FAM168A: variants seen among roughly 807,000 people sequenced by gnomAD.
The protein encoded by FAM168A is family with sequence similarity 168 member A, also known as protein FAM168A.
Under a neutral mutation model 28.5 loss-of-function variants are expected in FAM168A, and 3 were observed. That is an observed-to-expected ratio of 0.11 (90% confidence interval 0.05 to 0.27). FAM168A has a LOEUF of 0.27. FAM168A is among the 10% of genes least tolerant of loss of function. The pLI, the probability that FAM168A is intolerant of heterozygous loss-of-function variation, is 1.00. For missense variants in FAM168A, 222 were observed against 311.5 expected (o/e 0.71, Z 2.16); for synonymous variants, 122 against 124.2 (o/e 0.98, Z 0.12).
rs181801010 is a variant in FAM168A, at chr11:73,562,644, C to T, written c.-19+35279G>A. 3.2e-4 allele frequency among the ~76,000 whole-genome samples: 49 copies of T among 152,054 alleles called. 1 individual carries two copies. In the East Asian group the frequency reaches 8.7e-3, roughly 27 times the overall value. Reference sequence around the variant, plus strand: ...GAGATCAAGATCAACCTGGCCAACACGGTGAAACCCTGTCTCTACTAAAAA... The same window carrying T: ...GAGATCAAGATCAACCTGGCCAACATGGTGAAACCCTGTCTCTACTAAAAA... On this transcript the variant is annotated intron_variant, in intron 1 of 7. Transcript: ENST00000356467.
At chr11:73,494,596 A>T (rs1043697472) in intron 1 of FAM168A, among the ~76,000 whole-genome samples, 1 of 152,174 alleles carries the variant, frequency 6.6e-6, no homozygotes, top group Non-Finnish European at 1.5e-5. Context: ...AGCCAGGAAG[A>T]GTTTTATTGT....
At chr11:73,571,444 C>T (rs1340699705) in intron 1 of FAM168A, among the ~76,000 whole-genome samples, 2 of 151,866 alleles carry the variant, frequency 1.3e-5, no homozygotes, top group Admixed American at 1.3e-4. Flanking sequence ...GACGGGGTTT[C>T]GCTGTGTTGG....
At chr11:73,463,850 A>G in intron 2 of FAM168A, among the ~76,000 whole-genome samples, 1 of 152,256 alleles carries the variant, frequency 6.6e-6, no homozygotes, top group East Asian at 1.9e-4. Flanking sequence ...CAAGGAGATT[A>G]TATTCATGAG....
intron 2 of FAM168A, among the ~76,000 whole-genome samples, chr11:73,460,433 G>C (rs532131945): frequency 1.3e-5 from 2 of 149,600 alleles, no homozygotes; most frequent in South Asian, 4.2e-4. Flanking sequence ...AGCCAACTCT[G>C]TACCAGTCAC....
chr11:73,571,777 C>T (rs948474927), intron 1 of FAM168A, among the ~76,000 whole-genome samples: 10 of 150,916 alleles, frequency 6.6e-5, no homozygotes, highest in South Asian at 2.1e-4. Flanking sequence ...TCTGCCCGGC[C>T]GCCATCCACC....
chr11:73,518,096 T>C (rs1943327645), intron 1 of FAM168A, among the ~76,000 whole-genome samples: 1 of 152,200 alleles, frequency 6.6e-6, no homozygotes, highest in African/African-American at 2.4e-5. Context: ...TCTTTTTCTA[T>C]CACTAGTAAG....
chr11:73,508,933 T>C (rs1207338380), intron 1 of FAM168A, among the ~76,000 whole-genome samples: 1 of 152,226 alleles, frequency 6.6e-6, no homozygotes, highest in African/African-American at 2.4e-5. Context: ...AACATAATGA[T>C]GGCTTTATAA....
chr11:73,442,957 T>TATATAG (rs1240945998), intron 2 of FAM168A, among the ~76,000 whole-genome samples: 3 of 61,606 alleles, frequency 4.9e-5, no homozygotes, highest in Non-Finnish European at 9.3e-5. Flanking sequence ...ATACAAAGGA[T>TATATAG]ATATATATAT....
Position 73,417,559 on chromosome 11 carries a change from C to CT in FAM168A, c.277+2314dup, listed in dbSNP as rs11284405. 4.5e-3 allele frequency among the ~76,000 whole-genome samples: 586 copies of CT among 129,968 alleles called. 4 individuals are homozygous for CT. The highest frequency in any genetic ancestry group is 9.1e-3 in the Admixed American group (121 of 13,254). The allele number at this position is 129,968 out of a possible 152,430, so 85.3% of individuals were successfully genotyped here. On this transcript the variant is annotated intron_variant, in intron 4 of 7. Transcript: ENST00000356467. ...CCTTATGGCTGACATACCTCTCTCT[C>CT]TTTTTTTTTTTTTTTTTTGAGACGG... is the stretch of plus-strand genomic sequence containing the variant.
At chr11:73,461,591 G>A (rs1867648034) in intron 2 of FAM168A, among the ~76,000 whole-genome samples, 1 of 152,192 alleles carries the variant, frequency 6.6e-6, no homozygotes. Context: ...GAGATGGGCT[G>A]GAGATACCTG....
chr11:73,512,941 G>A (rs1345932745), intron 1 of FAM168A, among the ~76,000 whole-genome samples: 1 of 152,040 alleles, frequency 6.6e-6, no homozygotes, highest in Non-Finnish European at 1.5e-5. Context: ...TATAAAACAT[G>A]GTCCAGACAC....
chr11:73,468,271 C>T, intron 2 of FAM168A, 134 bp downstream of exon 2: 1 of 693,566 alleles, frequency 1.4e-6, no homozygotes, highest in Admixed American at 2.9e-5. Context: ...TCCGCTGGAC[C>T]TCAGACATAT....
At chr11:73,593,160 AT>A (rs1418716962) in intron 1 of FAM168A, among the ~76,000 whole-genome samples, 4 of 152,176 alleles carry the variant, frequency 2.6e-5, no homozygotes, top group African/African-American at 9.7e-5. Flanking sequence ...TTCACATAAA[AT>A]TTAGGAAACT....
At chr11:73,514,968 C>T (rs972008352) in intron 1 of FAM168A, among the ~76,000 whole-genome samples, 7 of 152,084 alleles carry the variant, frequency 4.6e-5, no homozygotes, top group Non-Finnish European at 1.0e-4. Flanking sequence ...GCCCCCAAAG[C>T]TTAATCTACA....
At chr11:73,513,598 T>C (rs940982972) in intron 1 of FAM168A, among the ~76,000 whole-genome samples, 1 of 152,124 alleles carries the variant, frequency 6.6e-6, no homozygotes, top group Non-Finnish European at 1.5e-5. Context: ...CATGTTGAGA[T>C]GGCAGCATCA....
chr11:73,495,251 C>G (rs1854848541), intron 1 of FAM168A, among the ~76,000 whole-genome samples: 1 of 152,064 alleles, frequency 6.6e-6, no homozygotes, highest in Non-Finnish European at 1.5e-5. Context: ...ATGGCGTGAA[C>G]CCAGGAGGCA....
rs186436837 is a variant in FAM168A, at chr11:73,477,332, C to T, written c.-18-8840G>A. On this transcript the variant is annotated intron_variant, in intron 1 of 7. Coordinates refer to ENST00000356467, the MANE Select transcript of FAM168A (RefSeq NM_015159.3). ...AGTGACACGCAATTTACCCACGTAA[C>T]AAATCTGCATATGTTACCCCTAAAC... Among the ~76,000 whole-genome samples the T allele has an allele frequency of 1.6e-4, 25 of 151,844 alleles. No homozygotes were observed. The South Asian group carries it at 2.7e-3, about 16-fold the overall frequency.
chr11:73,509,223 G>A (rs1340586967), intron 1 of FAM168A, among the ~76,000 whole-genome samples: 1 of 152,206 alleles, frequency 6.6e-6, no homozygotes. Flanking sequence ...GGCAAGTCAA[G>A]GAGCAGAGCT....
At chr11:73,578,092 A>C (rs1391889566) in intron 1 of FAM168A, among the ~76,000 whole-genome samples, 2 of 152,162 alleles carry the variant, frequency 1.3e-5, no homozygotes, top group Non-Finnish European at 2.9e-5. Context: ...ACTATGCAAG[A>C]GACATTATGC....
Sources: gnomAD v4.1 joint callset for allele counts (sites outside exome capture counted in the v4.1 genomes callset) on GRCh38, gnomAD v4.1.1 for gene constraint, MANE v1.5 for transcripts, NCBI Gene and HGNC (gene_info 2026-07-23, HGNC 2026-07-21) for gene names.